NXPH1: variants seen among roughly 807,000 people sequenced by gnomAD.
NXPH1 encodes the protein neurexophilin 1.
A neutral mutation model predicts 23.7 loss-of-function variants in NXPH1; 5 were observed. That is an observed-to-expected ratio of 0.21 (90% CI 0.11 to 0.44). NXPH1 has a LOEUF of 0.44. Ranked by LOEUF, NXPH1 falls within the 20% of genes least tolerant of loss-of-function variation. The pLI is 0.99. For missense variants in NXPH1, 324 were observed against 321.6 expected (o/e 1.01, Z -0.06); for synonymous variants, 144 against 122.2 (o/e 1.18, Z -1.18).
chr7:8,636,148 T>C (rs1027432273), intron 2 of NXPH1, among the ~76,000 whole-genome samples: 2 of 152,290 alleles, frequency 1.3e-5, no homozygotes, highest in East Asian at 1.9e-4. Context: ...CTGAAAAGGA[T>C]TGTGTTTGTG....
intron 2 of NXPH1, among the ~76,000 whole-genome samples, chr7:8,578,961 A>G (rs148119081): frequency 6.6e-6 from 1 of 152,356 alleles, no homozygotes; most frequent in East Asian, 1.9e-4. Flanking sequence ...AAAACCTGAA[A>G]GAACTCAGGT....
chr7:8,694,592 A>AT (rs890093646), intron 2 of NXPH1, among the ~76,000 whole-genome samples: 1 of 152,018 alleles, frequency 6.6e-6, no homozygotes, highest in African/African-American at 2.4e-5. Context: ...TAACACATCT[A>AT]TTTTTTTCAT....
intron 2 of NXPH1, among the ~76,000 whole-genome samples, chr7:8,511,560 A>G (rs1405631708): frequency 6.6e-6 from 1 of 152,052 alleles, no homozygotes; most frequent in Admixed American, 6.5e-5. Flanking sequence ...AGGAGTGGAG[A>G]TGAACAGCCT....
intron 2 of NXPH1, among the ~76,000 whole-genome samples, chr7:8,746,864 C>CT (rs35644956): frequency 0.43 from 63,874 of 147,246 alleles, 14,071 homozygotes; most frequent in East Asian, 0.69. Context: ...CCACAGCATG[C>CT]TTTTTTTTTT....
At chr7:8,508,688 C>T (rs1299113853) in intron 2 of NXPH1, among the ~76,000 whole-genome samples, 4 of 151,936 alleles carry the variant, frequency 2.6e-5, no homozygotes, top group Non-Finnish European at 5.9e-5. Context: ...TCAGAGGCTA[C>T]AGCTATTTCT....
intron 2 of NXPH1, among the ~76,000 whole-genome samples, chr7:8,675,416 T>C (rs1386038127): frequency 6.6e-6 from 1 of 152,208 alleles, no homozygotes; most frequent in African/African-American, 2.4e-5. Flanking sequence ...AGAATTGATA[T>C]ACAATGTACT....
At chr7:8,732,162 C>A (rs7788402) in intron 2 of NXPH1, among the ~76,000 whole-genome samples, 1 of 152,200 alleles carries the variant, frequency 6.6e-6, no homozygotes, top group Admixed American at 6.5e-5. Flanking sequence ...TGACCCCTTG[C>A]GCTTCCTGAG....
intron 2 of NXPH1, among the ~76,000 whole-genome samples, chr7:8,603,797 C>A (rs994618494): frequency 2.0e-5 from 3 of 152,026 alleles, no homozygotes; most frequent in African/African-American, 4.8e-5. Context: ...GGCATCCTCT[C>A]CTTTATTTGT....
chr7:8,455,578 G>A (rs868362103), intron 2 of NXPH1, among the ~76,000 whole-genome samples: 4 of 152,134 alleles, frequency 2.6e-5, no homozygotes, highest in East Asian at 3.8e-4. Flanking sequence ...GCACAGCCTC[G>A]TGGCCTGCAT....
intron 2 of NXPH1, among the ~76,000 whole-genome samples, chr7:8,661,912 T>C (rs1820681860): frequency 6.6e-6 from 1 of 151,982 alleles, no homozygotes; most frequent in East Asian, 1.9e-4. Context: ...GTATTTGAAA[T>C]ATATCAAGTA....
intron 2 of NXPH1, among the ~76,000 whole-genome samples, chr7:8,704,165 T>A (rs929815021): frequency 6.6e-6 from 1 of 152,076 alleles, no homozygotes; most frequent in Admixed American, 6.6e-5. Flanking sequence ...AGTATTTTAG[T>A]TCCAGCTCTC....
At chr7:8,557,365 A>C (rs1818374594) in intron 2 of NXPH1, among the ~76,000 whole-genome samples, 1 of 151,740 alleles carries the variant, frequency 6.6e-6, no homozygotes. Context: ...TAACAATGTC[A>C]ATCAACACCT....
intron 2 of NXPH1, chr7:8,690,165 C>T (rs1045715543): frequency 6.6e-6 from 1 of 152,164 alleles, no homozygotes; most frequent in African/African-American, 2.4e-5. Context: ...ATTACTGAGT[C>T]CCTTGCTAAC....
At chr7:8,459,917 A>G (rs1445577741) in intron 2 of NXPH1, among the ~76,000 whole-genome samples, 1 of 152,230 alleles carries the variant, frequency 6.6e-6, no homozygotes, top group Non-Finnish European at 1.5e-5. Context: ...CACGAGTTAT[A>G]TGAAACATGG....
chr7:8,460,579 A>G (rs187807976), intron 2 of NXPH1, among the ~76,000 whole-genome samples: 4 of 152,340 alleles, frequency 2.6e-5, no homozygotes, highest in East Asian at 1.9e-4. Flanking sequence ...TGAGAAGGCT[A>G]TCTTTTACAT....
chr7:8,646,712 G>A (rs949603603), intron 2 of NXPH1, among the ~76,000 whole-genome samples: 10 of 151,934 alleles, frequency 6.6e-5, no homozygotes, highest in African/African-American at 1.9e-4. Flanking sequence ...TTTTCTCATT[G>A]GATGTGTTAA....
intron 2 of NXPH1, among the ~76,000 whole-genome samples, chr7:8,730,326 T>G (rs985255875): frequency 6.7e-6 from 1 of 149,214 alleles, no homozygotes; most frequent in Admixed American, 6.7e-5. Flanking sequence ...AATTGGAGCA[T>G]TTAGTCCATT....
intron 2 of NXPH1, among the ~76,000 whole-genome samples, chr7:8,501,460 G>T (rs1035747738): frequency 6.6e-6 from 1 of 151,936 alleles, no homozygotes; most frequent in African/African-American, 2.4e-5. Context: ...TTCATGACTT[G>T]GGAATCCATA....
chr7:8,645,325 A>G (rs535861817), intron 2 of NXPH1, among the ~76,000 whole-genome samples: 7 of 152,158 alleles, frequency 4.6e-5, no homozygotes, highest in African/African-American at 1.7e-4. Context: ...CCTCAGCAAT[A>G]TTTTCAAAGC....
Sources: allele counts gnomAD v4.1 joint callset (sites outside exome capture counted in the v4.1 genomes callset), GRCh38; gene constraint gnomAD v4.1.1; transcripts MANE v1.5; gene names NCBI Gene and HGNC (gene_info 2026-07-23, HGNC 2026-07-21).